Variants in DNMT1 observed in about 807,000 individuals in gnomAD.
DNMT1 encodes the protein DNA (cytosine-5)-methyltransferase 1.
In DNMT1, 24 loss-of-function variants were observed where a neutral mutation model predicts 205.3. The ratio of observed to expected loss-of-function variants is 0.12; its 90% CI spans 0.08 to 0.16. The LOEUF (loss-of-function observed/expected upper bound fraction) is 0.16, where lower values mean the gene tolerates loss of function less well. Ranked by LOEUF, DNMT1 falls within the 10% of genes least tolerant of loss-of-function variation. The probability of loss-of-function intolerance (pLI) is 1.00; values close to 1 mark genes in which losing one functional copy is unlikely to be tolerated. For synonymous variants in DNMT1, 817 were observed against 839.8 expected (o/e 0.97, Z 0.47); for missense variants, 1,293 against 2,177.7 (o/e 0.59, Z 8.09).
intron 1 of DNMT1, among the ~76,000 whole-genome samples, chr19:10,191,481 TA>T (rs2039304211): frequency 6.6e-6 from 1 of 151,810 alleles, no homozygotes; most frequent in African/African-American, 2.4e-5. Flanking sequence ...AATCTGAGTG[TA>T]AAGAAATGTG....
At chr19:10,160,541 G>C (rs573784791) in intron 13 of DNMT1, 123 bp from the exon 14 acceptor site, 1 of 1,023,220 alleles carries the variant, frequency 9.8e-7, no homozygotes, top group African/African-American at 1.6e-5. Flanking sequence ...GAGGGAGGCA[G>C]TGAGAGGGCC....
intron 1 of DNMT1, among the ~76,000 whole-genome samples, chr19:10,189,390 G>C (rs1228307332): frequency 6.6e-6 from 1 of 151,646 alleles, no homozygotes; most frequent in Non-Finnish European, 1.5e-5. Flanking sequence ...CAAAGTGCTG[G>C]GATTACAGGC....
intron 5 of DNMT1, 93 bp from the exon 6 acceptor site, chr19:10,177,460 A>G: frequency 8.0e-7 from 1 of 1,248,528 alleles, no homozygotes; most frequent in Non-Finnish European, 1.1e-6. Flanking sequence ...TTACTAAGCT[A>G]TTGCAGGAAG....
rs533561386 is a variant in DNMT1 at position 10,154,016 on chromosome 19, G to T, written c.2019+277C>A. ...TCCAACAGGGGCCTTCAGACTGTGA[G>T]ATGCAGGCACAGCAGAGCCACCCAG... On this transcript the variant is annotated intron_variant, in intron 22 of 40. Transcript: ENST00000359526. The surrounding 1 kb of genome is among the most constrained non-coding windows in gnomAD (Gnocchi z 6.3). 6.6e-6 allele frequency among the ~76,000 whole-genome samples: 1 copy of T among 152,308 alleles called. No individual in the cohort carries two copies. The highest frequency in any genetic ancestry group is 2.4e-5 in the African/African-American group (1 of 41,562).
Position 10,137,211 on chromosome 19 carries a change from G to C in DNMT1, c.4363C>G (p.Leu1455Val). 1 of 1,611,040 alleles carries C rather than the reference G, an allele frequency of 6.2e-7. No homozygotes were observed. The highest frequency in any genetic ancestry group is 8.5e-7 in the Non-Finnish European group (1 of 1,179,280). ...PLAPGSDWRD[L>V]PNIEVRLSDG... Reference sequence around the variant, plus strand: ...GAGAGCCGCACCTCGATGTTGGGCAGATCGCGCCAGTCTGACCCTGGGGCC... The same window carrying C: ...GAGAGCCGCACCTCGATGTTGGGCACATCGCGCCAGTCTGACCCTGGGGCC... Residue 1455 changes from leucine to valine, a missense_variant, in exon 37 of 41, where the codon CTG (leucine) becomes GTG (valine). Around this residue, in one of 13 missense-constraint regions of DNMT1, gnomAD observed 148 missense variants for 256.1 expected, o/e 0.58. Coordinates refer to ENST00000359526, the MANE Select transcript of DNMT1 (RefSeq NM_001130823.3). This position sits in a 1 kb window ranked among gnomAD's most constrained non-coding sequence, Gnocchi z 6.4.
chr19:10,163,438 C>T lies in DNMT1; in HGVS notation c.892-78G>A, dbSNP rs372384316. 3.4e-6 allele frequency: 5 copies of T among 1,473,244 alleles called. No homozygotes were observed. The Admixed American group carries it at 8.4e-5, about 25-fold the overall frequency. 91.3% of individuals were successfully genotyped at this position (1,473,244 alleles called of 1,614,324 possible). On this transcript the variant is annotated intron_variant, in intron 11 of 40. Coordinates refer to ENST00000359526, the MANE Select transcript of DNMT1 (RefSeq NM_001130823.3). ...TTCTGAGCCAGAGTGAGATAAAATGCAAACACTGAAGTTACAGGTTAGGGA... is the reference window on the plus strand; with the variant it reads ...TTCTGAGCCAGAGTGAGATAAAATGTAAACACTGAAGTTACAGGTTAGGGA...
intron 26 of DNMT1, 32 bp from the exon 27 acceptor site, chr19:10,149,049 C>T (rs757744662): frequency 4.3e-5 from 70 of 1,612,288 alleles, no homozygotes; most frequent in Middle Eastern, 1.8e-4. Context: ...TCAGGCCAGG[C>T]GCAGTGGCTC....
chr19:10,177,966 A>G (rs1381923369), intron 5 of DNMT1, among the ~76,000 whole-genome samples: 1 of 151,860 alleles, frequency 6.6e-6, no homozygotes. Flanking sequence ...AAAGAAAGAA[A>G]AAAAAGAAAT....
chr19:10,159,648 G>A lies in DNMT1; in HGVS notation c.1280+10C>T. On this transcript the variant is annotated intron_variant, in intron 17 of 40. Transcript: ENST00000359526. This position sits in a 1 kb window ranked among gnomAD's most constrained non-coding sequence, Gnocchi z 5.0. ...CCACGAAGCAAACATGCACACGAAA[G>A]TGCACTTACCTGAAGCAGGTCAGTT... 2.5e-6 allele frequency: 4 copies of A among 1,613,970 alleles called. No individual in the cohort carries two copies. The highest frequency in any genetic ancestry group is 3.4e-6 in the Non-Finnish European group (4 of 1,179,840).
chr19:10,141,818 G>A (rs1240164783), intron 30 of DNMT1: 9 of 598,052 alleles, frequency 1.5e-5, no homozygotes, highest in Non-Finnish European at 2.3e-5. Flanking sequence ...TAAACTCCGG[G>A]ACCACTTGAA....
Position 10,160,054 on chromosome 19 carries a change from T to C in DNMT1, c.1053A>G (p.Lys351=), listed in dbSNP as rs139355567. ...RKTTPKEPTE[K]KMARAKTVMN... is the part of the protein sequence containing the mutation. ...TGACTGTTTTGGCGCGAGCCATTTT[T>C]TTCTCCGTTCTGGGGGAAAAAAAAA... Residue 351 remains lysine (K), a synonymous_variant, in exon 15 of 41, where the codon AAA becomes AAG. Transcript: ENST00000359526. The C allele has an allele frequency of 5.4e-5, 85 of 1,571,918 alleles. 1 individual carries two copies. Among genetic ancestry groups the C allele is most frequent in the Non-Finnish European group, 6.9e-5 (81 of 1,167,466 alleles).
chr19:10,177,951 AAAAG>A (rs1029057911), intron 5 of DNMT1, among the ~76,000 whole-genome samples: 3 of 150,978 alleles, frequency 2.0e-5, no homozygotes, highest in Non-Finnish European at 3.0e-5. Context: ...AAAAAAAAAG[AAAAG>A]AAAGAAAGAA....
chr19:10,163,357 C>T lies in DNMT1; in HGVS notation c.895G>A (p.Glu299Lys). 6.2e-7 allele frequency: 1 copy of T among 1,613,882 alleles called. No homozygotes were observed. The highest frequency in any genetic ancestry group is 8.5e-7 in the Non-Finnish European group (1 of 1,179,922). The change falls in exon 12 of 41, where the codon GAG becomes AAG. Residue 299 changes from glutamate (E) to lysine (K), a missense_variant. Around this residue, in one of 13 missense-constraint regions of DNMT1, gnomAD observed 394 missense variants for 451.6 expected, o/e 0.87. Coordinates refer to ENST00000359526, the MANE Select transcript of DNMT1 (RefSeq NM_001130823.3). ...TTGGGTTGACTTCTGTGCTTCTTCT[C>T]ATCCTGACAGAAAAATAAGGGGGAG... ...DEDEDGDEKD[E>K]KKHRSQPKDL...
chr19:10,140,394 G>T lies in DNMT1; in HGVS notation c.3524-66C>A. ...AAGATTTTTTTTTTTTTTTGAGATG[G>T]AGTCTCGCTCTGTCACCCAGGCTGG... On this transcript the variant is annotated intron_variant, in intron 32 of 40. Coordinates refer to ENST00000359526, the MANE Select transcript of DNMT1 (RefSeq NM_001130823.3). This position sits in a 1 kb window ranked among gnomAD's most constrained non-coding sequence, Gnocchi z 8.4. The T allele has an allele frequency of 6.4e-7, 1 of 1,566,036 alleles. No homozygotes were observed. The highest frequency in any genetic ancestry group is 1.8e-5 in the Admixed American group (1 of 55,824).
chr19:10,158,317 A>G (rs1473059061), intron 17 of DNMT1, among the ~76,000 whole-genome samples: 1 of 152,184 alleles, frequency 6.6e-6, no homozygotes, highest in Non-Finnish European at 1.5e-5. Context: ...TGGACGCAAC[A>G]GCATCTTGAT....
intron 11 of DNMT1, among the ~76,000 whole-genome samples, chr19:10,164,943 AAAAAAAAAAAAAAAG>A (rs2038654839): frequency 7.6e-6 from 1 of 131,948 alleles, no homozygotes; most frequent in Admixed American, 8.3e-5. Context: ...AAAAAAAAAA[AAAAAAAAAAAAAAAG>A]AACAAACCAA....
chr19:10,171,538 G>A (rs575385132), intron 9 of DNMT1, among the ~76,000 whole-genome samples: 1 of 152,256 alleles, frequency 6.6e-6, no homozygotes, highest in African/African-American at 2.4e-5. Context: ...AGGCGCGGTG[G>A]TTCACGCCTG....
Position 10,133,626 on chromosome 19 carries a change from G to A in DNMT1, c.*41C>T, listed in dbSNP as rs2089419055. ...AAAACACAACATCAGTGCATGTTGGGGATTCCTGGTGCCAGAAACAGGGGT... is the reference window on the plus strand; with the variant it reads ...AAAACACAACATCAGTGCATGTTGGAGATTCCTGGTGCCAGAAACAGGGGT... On this transcript the variant is annotated 3_prime_UTR_variant, in exon 41 of 41. Transcript: ENST00000359526. This position sits in a 1 kb window ranked among gnomAD's most constrained non-coding sequence, Gnocchi z 4.1. The A allele has an allele frequency of 6.3e-7, 1 of 1,585,264 alleles. No individual in the cohort carries two copies. Among genetic ancestry groups the A allele is most frequent in the Non-Finnish European group, 8.6e-7 (1 of 1,164,304 alleles).
At chr19:10,179,459 C>T (rs970079823) in intron 5 of DNMT1, among the ~76,000 whole-genome samples, 7 of 152,000 alleles carry the variant, frequency 4.6e-5, no homozygotes, top group African/African-American at 1.4e-4. Flanking sequence ...GTCTCGAACT[C>T]CTGACCTCAG....
Sources: gnomAD v4.1 joint callset for allele counts (sites outside exome capture counted in the v4.1 genomes callset) on GRCh38, gnomAD v4.1.1 for gene constraint, gnomAD v4.1.1 regional missense constraint, Gnocchi (gnomAD v3.1) non-coding constraint, MANE v1.5 for transcripts, NCBI Gene and HGNC (gene_info 2026-07-23, HGNC 2026-07-21) for gene names.